The following SLC12A8 variants were observed in gnomAD, a reference collection of about 807,000 sequenced individuals.
The protein encoded by SLC12A8 is cation-chloride cotransporter 9.
In SLC12A8, 69 loss-of-function variants were observed where a neutral mutation model predicts 75.6. The observed-to-expected ratio is 0.91, with a 90% CI of 0.75 to 1.11. The LOEUF (loss-of-function observed/expected upper bound fraction) is 1.11. Ranked by LOEUF, SLC12A8 falls within the 50% of genes most tolerant of loss-of-function variation. The pLI, the probability that SLC12A8 is intolerant of heterozygous loss-of-function variation, is 0.00. For synonymous variants in SLC12A8, 365 were observed against 372.8 expected (o/e 0.98, Z 0.24); for missense variants, 877 against 896.7 (o/e 0.98, Z 0.28).
chr3:125,149,571 T>C (rs1353797133), intron 5 of SLC12A8, among the ~76,000 whole-genome samples: 1 of 152,182 alleles, frequency 6.6e-6, no homozygotes, highest in African/African-American at 2.4e-5. Flanking sequence ...AAATATTAAA[T>C]GTGCAACTCA....
intron 2 of SLC12A8, among the ~76,000 whole-genome samples, chr3:125,203,166 C>G (rs2107803687): frequency 6.7e-6 from 1 of 148,600 alleles, no homozygotes; most frequent in African/African-American, 2.5e-5. Context: ...GCAAAGCAAT[C>G]TACAGAGTCA....
intron 4 of SLC12A8, among the ~76,000 whole-genome samples, chr3:125,183,334 C>T (rs1934705880): frequency 1.3e-5 from 2 of 152,082 alleles, no homozygotes; most frequent in South Asian, 4.1e-4. Flanking sequence ...TTTCATTCTC[C>T]ACAGAGAAAA....
intron 6 of SLC12A8, among the ~76,000 whole-genome samples, chr3:125,121,690 G>A (rs1314130804): frequency 6.6e-6 from 1 of 152,130 alleles, no homozygotes; most frequent in Non-Finnish European, 1.5e-5. Context: ...ACAGCCTAAG[G>A]TCACACATTT....
In SLC12A8 at chr3:125,107,890, G is replaced by A. The variant is rs1274129134; in HGVS notation, c.1296C>T (p.His432=). Residue 432 remains histidine, a synonymous_variant, in exon 10 of 14, where the codon CAC becomes CAT. Transcript: ENST00000469902. ...EGAEGLHCSE[H]LLLEKAPSYG... The stretch of plus-strand genomic sequence containing the variant: ...AACTGGGAGCTTTCTCTAAGAGCAG[G>A]TGCTCAGAGCAGTGGAGGCCTTCTG... 4 of 1,614,064 alleles carry A rather than the reference G, an allele frequency of 2.5e-6. No individual in the cohort carries two copies. In the African/African-American group the frequency reaches 4.0e-5, roughly 16 times the overall value.
intron 2 of SLC12A8, among the ~76,000 whole-genome samples, chr3:125,193,275 C>A (rs911723140): frequency 3.3e-5 from 5 of 152,140 alleles, no homozygotes; most frequent in African/African-American, 4.8e-5. Flanking sequence ...GAGGCTGAGG[C>A]ATGAGAATCA....
intron 8 of SLC12A8, 53 bp from the exon 9 acceptor site, chr3:125,110,388 T>C (rs901999339): frequency 3.7e-5 from 58 of 1,582,672 alleles, no homozygotes; most frequent in Admixed American, 1.2e-4. Context: ...CCTGTGCCTT[T>C]CTACCCCCCC....
chr3:125,148,998 C>T (rs1440983184), intron 5 of SLC12A8, among the ~76,000 whole-genome samples: 1 of 152,202 alleles, frequency 6.6e-6, no homozygotes, highest in African/African-American at 2.4e-5. Context: ...TGTGTCGGCC[C>T]ACCCCTCAGC....
intron 2 of SLC12A8, among the ~76,000 whole-genome samples, chr3:125,200,495 GA>G (rs1560084888): frequency 6.6e-6 from 1 of 152,240 alleles, no homozygotes; most frequent in South Asian, 2.1e-4. Context: ...TATGTTTAAA[GA>G]AAAAATTACC....
At chr3:125,189,955 A>T (rs1934875470) in intron 3 of SLC12A8, among the ~76,000 whole-genome samples, 1 of 152,138 alleles carries the variant, frequency 6.6e-6, no homozygotes, top group South Asian at 2.1e-4. Context: ...AAGCATCCCC[A>T]TGCACAGTCT....
intron 5 of SLC12A8, among the ~76,000 whole-genome samples, chr3:125,138,825 C>T (rs527255270): frequency 5.6e-4 from 84 of 149,870 alleles, no homozygotes; most frequent in African/African-American, 2.0e-3. Context: ...CTGGGCAACA[C>T]AGAAAGACCC....
intron 2 of SLC12A8, among the ~76,000 whole-genome samples, chr3:125,191,931 C>A (rs1025076854): frequency 2.6e-5 from 4 of 152,194 alleles, no homozygotes; most frequent in African/African-American, 9.7e-5. Flanking sequence ...CACAAATGAG[C>A]AATCTCCTGA....
chr3:125,121,696 C>A (rs1560058530), intron 6 of SLC12A8, among the ~76,000 whole-genome samples: 1 of 152,192 alleles, frequency 6.6e-6, no homozygotes, highest in Non-Finnish European at 1.5e-5. Context: ...TAAGGTCACA[C>A]ATTTAATAAG....
intron 5 of SLC12A8, among the ~76,000 whole-genome samples, chr3:125,173,402 A>C (rs1560075740): frequency 6.9e-6 from 1 of 144,272 alleles, no homozygotes; most frequent in Non-Finnish European, 1.5e-5. Context: ...CAATGGAGAC[A>C]GGAGAGTCTT....
intron 5 of SLC12A8, among the ~76,000 whole-genome samples, chr3:125,137,659 C>T (rs1434052186): frequency 6.6e-6 from 1 of 152,220 alleles, no homozygotes; most frequent in Non-Finnish European, 1.5e-5. Flanking sequence ...CCAAGGGCGG[C>T]CCTGACACAG....
chr3:125,130,596 AAAAGAAAAAGAAAAAG>A (rs1933327566), intron 6 of SLC12A8, among the ~76,000 whole-genome samples: 1 of 5,092 alleles, frequency 2.0e-4, no homozygotes, highest in Admixed American at 0.011. Context: ...TGTCTTAAAA[AAAAGAAAAAGAAAAAG>A]AAAAAGAAAA....
At chr3:125,170,870 A>C (rs944631093) in intron 5 of SLC12A8, among the ~76,000 whole-genome samples, 1 of 152,142 alleles carries the variant, frequency 6.6e-6, no homozygotes, top group Non-Finnish European at 1.5e-5. Context: ...AGCCGAGATC[A>C]CGCCACTGCA....
intron 6 of SLC12A8, among the ~76,000 whole-genome samples, chr3:125,124,257 G>A (rs28410810): frequency 2.9e-3 from 438 of 152,320 alleles, no homozygotes; most frequent in African/African-American, 9.3e-3. Flanking sequence ...GAAGTCTCAC[G>A]GGTGATTCCT....
At chr3:125,118,978 C>A in intron 7 of SLC12A8, 122 bp from the exon 8 acceptor site, 1 of 636,116 alleles carries the variant, frequency 1.6e-6, no homozygotes, top group Admixed American at 2.7e-5. Flanking sequence ...AAAGGCCAGT[C>A]ATGAAGCTTC....
At chr3:125,198,254 T>C (rs1208997043) in intron 2 of SLC12A8, among the ~76,000 whole-genome samples, 2 of 50,312 alleles carry the variant, frequency 4.0e-5, no homozygotes, top group African/African-American at 8.3e-5. Context: ...ACATGTGTTC[T>C]TTAAAAAAAA....
Sources: allele counts gnomAD v4.1 joint callset (sites outside exome capture counted in the v4.1 genomes callset), GRCh38; gene constraint gnomAD v4.1.1; transcripts MANE v1.5; gene names NCBI Gene and HGNC (gene_info 2026-07-23, HGNC 2026-07-21).